Variants in TAF3 observed in about 807,000 individuals in gnomAD.
TAF3 encodes transcription initiation factor TFIID subunit 3.
Under a neutral mutation model 80.6 loss-of-function variants are expected in TAF3, and 7 were observed. That is an observed-to-expected ratio of 0.09 (90% CI 0.05 to 0.16). The LOEUF (loss-of-function observed/expected upper bound fraction) is 0.16. TAF3 is among the 10% of genes least tolerant of loss of function. The probability of loss-of-function intolerance (pLI) is 1.00; values close to 1 mark genes in which losing one functional copy is unlikely to be tolerated. For missense variants in TAF3, 921 were observed against 1,140.2 expected, an observed-to-expected ratio of 0.81 and a Z score of 2.77; for synonymous variants, 444 against 446.1, an observed-to-expected ratio of 1.00 and a Z score of 0.06.
chr10:8,009,202 C>T lies in TAF3; in HGVS notation c.2440C>T (p.Pro814Ser), dbSNP rs1324389681. Reference sequence around the variant, plus strand: ...CATGCTCGTCAGCCCTGCGCCCGTGCCGCTGCCGCTGCTCGCCCAGGCCGC... The same window carrying T: ...CATGCTCGTCAGCCCTGCGCCCGTGTCGCTGCCGCTGCTCGCCCAGGCCGC... ...GPMLVSPAPV[P>S]LPLLAQAAAG... Residue 814 changes from proline to serine, a missense_variant, in exon 5 of 7, where the codon CCG becomes TCG. Physicochemically the swap from Pro to Ser is moderately conservative, Grantham distance 74. This residue lies in a region of TAF3 where 743 missense variants were observed against 821.0 expected (regional missense o/e 0.90). Coordinates refer to ENST00000344293, the MANE Select transcript of TAF3 (RefSeq NM_031923.4). The surrounding 1 kb of genome is among the most constrained non-coding windows in gnomAD (Gnocchi z 4.1). 4.2e-6 allele frequency: 6 copies of T among 1,444,694 alleles called. No individual in the cohort carries two copies. The highest frequency in any genetic ancestry group is 4.5e-6 in the Non-Finnish European group (5 of 1,099,440). 89.5% of individuals were successfully genotyped at this position (1,444,694 alleles called of 1,614,324 possible). A position where few individuals can be genotyped will look rare whatever the true frequency, so the allele number is the denominator to read the frequency against.
At chr10:7,920,389 A>G (rs1433325394) in intron 2 of TAF3, among the ~76,000 whole-genome samples, 1 of 150,464 alleles carries the variant, frequency 6.6e-6, no homozygotes, top group Non-Finnish European at 1.5e-5. Flanking sequence ...CCCCTACTAG[A>G]TGAATGCTAT....
intron 2 of TAF3, among the ~76,000 whole-genome samples, chr10:7,924,664 TTTTA>T (rs1837798281): frequency 6.6e-6 from 1 of 152,222 alleles, no homozygotes; most frequent in Non-Finnish European, 1.5e-5. Context: ...ATCTATTCTT[TTTTA>T]TTTTTAAATA....
At chr10:7,844,948 T>C (rs1836955037) in intron 2 of TAF3, among the ~76,000 whole-genome samples, 1 of 152,222 alleles carries the variant, frequency 6.6e-6, no homozygotes. Flanking sequence ...GCATCAAATA[T>C]CTTTGCACAT....
chr10:7,993,880 C>CTTTTTT (rs953356058), intron 4 of TAF3, among the ~76,000 whole-genome samples: 10 of 104,416 alleles, frequency 9.6e-5, no homozygotes, highest in African/African-American at 1.5e-4. Context: ...AATATACAAT[C>CTTTTTT]TTTTTTTTTT....
chr10:7,829,041 A>AAG (rs1359674687), intron 2 of TAF3, among the ~76,000 whole-genome samples: 4 of 150,888 alleles, frequency 2.7e-5, no homozygotes, highest in African/African-American at 9.7e-5. Flanking sequence ...AAAAAAAAAA[A>AAG]AAAAAAAAAA....
rs57860144 is a variant in TAF3 at position 7,957,792 on chromosome 10, GCGCTCTCT to G, written c.410-6126_410-6119del. 6.3e-3 allele frequency among the ~76,000 whole-genome samples: 851 copies of G among 134,342 alleles called. 9 individuals carry two copies. Among genetic ancestry groups the G allele is most frequent in the African/African-American group, 0.016 (547 of 34,092 alleles). 88.1% of individuals were successfully genotyped at this position (134,342 alleles called of 152,430 possible). A position where few individuals can be genotyped will look rare whatever the true frequency, so the allele number is the denominator to read the frequency against. On this transcript the variant is annotated intron_variant, in intron 2 of 6. Transcript: ENST00000344293. Reference sequence around the variant, plus strand: ...CTGTCTGTCTCACGCTCTCTCTAGCGCGCTCTCTCTCTCTCTCTCTCTCTCTCTCTCTC... The same window carrying G: ...CTGTCTGTCTCACGCTCTCTCTAGCGCTCTCTCTCTCTCTCTCTCTCTCTC...
intron 2 of TAF3, among the ~76,000 whole-genome samples, chr10:7,948,319 C>CT (rs1261222881): frequency 6.6e-6 from 1 of 150,812 alleles, no homozygotes; most frequent in Non-Finnish European, 1.5e-5. Flanking sequence ...GAACTCCCAG[C>CT]TTCAAGCAGT....
At chr10:7,860,237 A>G (rs1005954909) in intron 2 of TAF3, among the ~76,000 whole-genome samples, 5 of 151,822 alleles carry the variant, frequency 3.3e-5, no homozygotes, top group Non-Finnish European at 5.9e-5. Context: ...ACACCACTGC[A>G]CTTCAGCCTG....
At chr10:7,899,766 C>T (rs1391323987) in intron 2 of TAF3, among the ~76,000 whole-genome samples, 1 of 152,128 alleles carries the variant, frequency 6.6e-6, no homozygotes, top group Non-Finnish European at 1.5e-5. Context: ...TTGAAGATCA[C>T]GTTAGGGATG....
intron 2 of TAF3, among the ~76,000 whole-genome samples, chr10:7,946,276 A>G (rs1352605029): frequency 2.0e-5 from 3 of 152,002 alleles, no homozygotes; most frequent in Non-Finnish European, 4.4e-5. Context: ...GCTCCTTCCC[A>G]TGCCTCAGAC....
intron 2 of TAF3, among the ~76,000 whole-genome samples, chr10:7,945,580 A>G (rs1323072700): frequency 2.0e-5 from 3 of 151,980 alleles, no homozygotes; most frequent in Non-Finnish European, 4.4e-5. Flanking sequence ...CTGCCCTCGC[A>G]CTGCAGCCCC....
intron 2 of TAF3, among the ~76,000 whole-genome samples, chr10:7,907,289 T>C (rs1386057821): frequency 6.6e-6 from 1 of 152,138 alleles, no homozygotes; most frequent in East Asian, 1.9e-4. Context: ...AGATCACAGA[T>C]TGTGATGCCA....
chr10:7,991,219 G>C (rs187404922), intron 4 of TAF3, among the ~76,000 whole-genome samples: 508 of 151,852 alleles, frequency 3.3e-3, no homozygotes, highest in Non-Finnish European at 5.8e-3. Flanking sequence ...ATACACATCC[G>C]TATGCATGTA....
At chr10:7,865,330 T>A (rs942666016) in intron 2 of TAF3, among the ~76,000 whole-genome samples, 6 of 151,916 alleles carry the variant, frequency 3.9e-5, no homozygotes, top group African/African-American at 1.5e-4. Context: ...ATACAAAAAA[T>A]TAGCCAGGTA....
intron 2 of TAF3, among the ~76,000 whole-genome samples, chr10:7,910,293 G>A (rs888677647): frequency 2.0e-5 from 3 of 152,112 alleles, no homozygotes; most frequent in Non-Finnish European, 2.9e-5. Flanking sequence ...ATAGTGTGAC[G>A]TACTGCAAAT....
intron 2 of TAF3, among the ~76,000 whole-genome samples, chr10:7,962,042 G>A (rs945697968): frequency 6.6e-6 from 1 of 151,838 alleles, no homozygotes; most frequent in Admixed American, 6.6e-5. Flanking sequence ...GTAAAGATGG[G>A]GTCTCACTAT....
chr10:7,951,885 T>C (rs1415878156), intron 2 of TAF3, among the ~76,000 whole-genome samples: 2 of 152,198 alleles, frequency 1.3e-5, no homozygotes, highest in Non-Finnish European at 2.9e-5. Flanking sequence ...CATGTCTCTA[T>C]GATTGTAGGG....
intron 2 of TAF3, among the ~76,000 whole-genome samples, chr10:7,904,466 C>T (rs748255614): frequency 1.1e-4 from 16 of 147,902 alleles, no homozygotes; most frequent in Non-Finnish European, 2.4e-4. Flanking sequence ...GCATATTCTA[C>T]ACCTAGTAGT....
intron 4 of TAF3, among the ~76,000 whole-genome samples, chr10:7,979,532 G>A (rs1052687616): frequency 6.6e-6 from 1 of 151,988 alleles, no homozygotes; most frequent in Non-Finnish European, 1.5e-5. Flanking sequence ...CTAGTATCAC[G>A]GAAATTATAA....
Sources: allele counts gnomAD v4.1 joint callset (sites outside exome capture counted in the v4.1 genomes callset), GRCh38; gene constraint gnomAD v4.1.1; regional missense constraint gnomAD v4.1.1; non-coding constraint Gnocchi (gnomAD v3.1); transcripts MANE v1.5; gene names NCBI Gene and HGNC (gene_info 2026-07-23, HGNC 2026-07-21).